Variants in MYH7 observed in about 807,000 individuals in gnomAD.
The protein encoded by MYH7 is myosin-7.
In MYH7, 129 loss-of-function variants were observed where a neutral mutation model predicts 225.4. The observed-to-expected ratio is 0.57, with a 90% CI of 0.50 to 0.66. The LOEUF is 0.66. Among genes scored for constraint, MYH7 ranks in the 30% least tolerant of loss-of-function variants. The pLI is 0.00. For synonymous variants in MYH7, 971 were observed against 1,007.6 expected, an observed-to-expected ratio of 0.96 and a Z score of 0.69; for missense variants, 1,649 against 2,517.0, an observed-to-expected ratio of 0.66 and a Z score of 7.38.
chr14:23,417,552 G>A lies in MYH7; in HGVS notation c.4304C>T (p.Ser1435Phe). ...IEDLMVDVER[S>F]NAAAAALDKK... The stretch of plus-strand genomic sequence containing the variant: ...GTCCAGGGCTGCAGCAGCAGCATTG[G>A]AGCGCTCTACGTCCACCATCAAGTC... The change falls in exon 31 of 40, where the codon TCC becomes TTC. Residue 1435 changes from serine (S) to phenylalanine (F), a missense_variant. By Grantham distance (155) the Ser-to-Phe change is radical. Coordinates refer to ENST00000355349, the MANE Select transcript of MYH7 (RefSeq NM_000257.4). 6.2e-7 allele frequency: 1 copy of A among 1,612,366 alleles called. No homozygotes were observed. The highest frequency in any genetic ancestry group is 8.5e-7 in the Non-Finnish European group (1 of 1,180,036).
chr14:23,430,570 A>C lies in MYH7; in HGVS notation c.989T>G (p.Met330Arg), dbSNP rs1156297278. Residue 330 changes from methionine to arginine, a missense_variant, in exon 11 of 40, where the codon ATG (methionine) becomes AGG (arginine). This residue lies in a region of MYH7 where 131 missense variants were observed against 231.3 expected (regional missense o/e 0.57). Coordinates refer to ENST00000355349, the MANE Select transcript of MYH7 (RefSeq NM_000257.4). Reference sequence around the variant, plus strand: ...TCCTCACACACTCACATCAGTGGCCATGAGCTCCTCAGCGTCATCAATGGA... The same window carrying C: ...TCCTCACACACTCACATCAGTGGCCCTGAGCTCCTCAGCGTCATCAATGGA... The part of the protein sequence containing the change: ...VASIDDAEEL[M>R]ATDNAFDVLG... 2 of 1,613,384 alleles carry C rather than the reference A, an allele frequency of 1.2e-6. No homozygotes were observed. Among genetic ancestry groups the C allele is most frequent in the Non-Finnish European group, 1.7e-6 (2 of 1,179,446 alleles).
chr14:23,414,325 T>G (rs1235217158), intron 37 of MYH7, among the ~76,000 whole-genome samples: 2 of 152,206 alleles, frequency 1.3e-5, no homozygotes, highest in African/African-American at 2.4e-5. Flanking sequence ...CCTGAAATTA[T>G]GCACAAAATT....
chr14:23,431,325 A>AGAGG, intron 9 of MYH7, 93 bp downstream of exon 9: 1 of 1,276,994 alleles, frequency 7.8e-7, no homozygotes, highest in Non-Finnish European at 1.1e-6. Flanking sequence ...GGAGAAAAAC[A>AGAGG]GAGGGAGGGA....
At position 23,430,591 on chromosome 14, in the gene MYH7, A is replaced by G. The variant is rs397516275; in HGVS notation, c.968T>C (p.Ile323Thr). Residue 323 changes from isoleucine (I) to threonine (T), a missense_variant, in exon 11 of 40, where the codon ATT becomes ACT. Ile to Thr is a moderately conservative substitution (Grantham distance 89, BLOSUM62 -1). Transcript: ENST00000355349. ...ISQGETTVAS[I>T]DDAEELMATD... ...GGCCATGAGCTCCTCAGCGTCATCAATGGAGGCCACGGTGGTCTCTCCTTG... is the reference window on the plus strand; with the variant it reads ...GGCCATGAGCTCCTCAGCGTCATCAGTGGAGGCCACGGTGGTCTCTCCTTG... The G allele has an allele frequency of 2.9e-5, 47 of 1,613,974 alleles. No homozygotes were observed. The highest frequency in any genetic ancestry group is 2.7e-4 in the Admixed American group (16 of 60,002).
chr14:23,423,658 C>A lies in MYH7; in HGVS notation c.2988G>T (p.Lys996Asn). The A allele has an allele frequency of 6.2e-7, 1 of 1,614,124 alleles. No homozygotes were observed. The highest frequency in any genetic ancestry group is 8.5e-7 in the Non-Finnish European group (1 of 1,180,020). Residue 996 changes from lysine (K) to asparagine (N), a missense_variant, in exon 24 of 40, where the codon AAG becomes AAT. By Grantham distance (94) the Lys-to-Asn change is moderately conservative (BLOSUM62 0). Around this residue, in one of 12 missense-constraint regions of MYH7, gnomAD observed 282 missense variants for 315.3 expected, o/e 0.89. Transcript: ENST00000355349. ...GTTGGTGGGCCTCTTGCAGAGCTTTCTTCTCCTTGGTCAGCTTGGCAATGA... is the reference window on the plus strand; with the variant it reads ...GTTGGTGGGCCTCTTGCAGAGCTTTATTCTCCTTGGTCAGCTTGGCAATGA... ...DEIIAKLTKE[K>N]KALQEAHQQA...
chr14:23,433,275 C>G lies in MYH7; in HGVS notation c.202-48G>C, dbSNP rs765102182. Reference sequence around the variant, plus strand: ...CCTCCTGTCAGCCTGGGCTTTCCCTCCTTCCTCAAGAGGGTTAGGAGTTGG... The same window carrying G: ...CCTCCTGTCAGCCTGGGCTTTCCCTGCTTCCTCAAGAGGGTTAGGAGTTGG... On this transcript the variant is annotated intron_variant, in intron 3 of 39. Transcript: ENST00000355349. The surrounding 1 kb of genome is among the most constrained non-coding windows in gnomAD (Gnocchi z 4.1). 6.2e-7 allele frequency: 1 copy of G among 1,613,578 alleles called. No individual in the cohort carries two copies. The highest frequency in any genetic ancestry group is 1.1e-5 in the South Asian group (1 of 90,990).
intron 29 of MYH7, 99 bp from the exon 30 acceptor site, chr14:23,418,505 G>C (rs1008890704): frequency 1.4e-6 from 2 of 1,385,472 alleles, no homozygotes; most frequent in Admixed American, 5.0e-5. Flanking sequence ...TCATCCCTTG[G>C]CCTCATCTAT....
At chr14:23,419,671 G>C (rs923397826) in intron 27 of MYH7, 62 bp from the exon 28 acceptor site, 1 of 1,613,388 alleles carries the variant, frequency 6.2e-7, no homozygotes, top group Non-Finnish European at 8.5e-7. Flanking sequence ...AGGGGTGTAA[G>C]AGGTGCAACT....
In MYH7 at chr14:23,418,468, G is replaced by A; in HGVS notation, c.3973-62C>T. On this transcript the variant is annotated intron_variant, in intron 29 of 39. Coordinates refer to ENST00000355349, the MANE Select transcript of MYH7 (RefSeq NM_000257.4). ...TTCTCCATAAAGCAACCCCACCCTTGCCCTTCTCCTCACCCCAATCTCAAC... is the reference window on the plus strand; with the variant it reads ...TTCTCCATAAAGCAACCCCACCCTTACCCTTCTCCTCACCCCAATCTCAAC... 4 of 1,518,182 alleles carry A rather than the reference G, an allele frequency of 2.6e-6. No individual in the cohort carries two copies. In the South Asian group the frequency reaches 5.1e-5, roughly 19 times the overall value. The allele number at this position is 1,518,182 out of a possible 1,614,324, so 94.0% of individuals were successfully genotyped here.
chr14:23,432,213 G>A (rs1892974302), intron 6 of MYH7, among the ~76,000 whole-genome samples: 1 of 152,202 alleles, frequency 6.6e-6, no homozygotes, highest in Non-Finnish European at 1.5e-5. Flanking sequence ...TGAAGACATG[G>A]CGATAATGAG....
rs144066768 is a variant in MYH7, at chr14:23,415,461, A to T, written c.5203T>A (p.Ser1735Thr). The change falls in exon 36 of 40, where the codon TCC becomes ACC. Residue 1735 changes from serine (S) to threonine (T), a missense_variant. By Grantham distance (58) the Ser-to-Thr change is moderately conservative (BLOSUM62 1). Coordinates refer to ENST00000355349, the MANE Select transcript of MYH7 (RefSeq NM_000257.4). This position sits in a 1 kb window ranked among gnomAD's most constrained non-coding sequence, Gnocchi z 6.3. The stretch of plus-strand genomic sequence containing the variant: ...TCCTCCACTTCAGTCTGGAGCTGGG[A>T]CAGGTCAGCATCCATCTTCTTCTTC... ...NQKKKMDADL[S>T]QLQTEVEEAV... is the part of the protein sequence containing the mutation. 28 of 1,614,004 alleles carry T rather than the reference A, an allele frequency of 1.7e-5. No individual in the cohort carries two copies. Among genetic ancestry groups the T allele is most frequent in the Non-Finnish European group, 2.3e-5 (27 of 1,180,032 alleles).
At chr14:23,427,164 C>T (rs1892724229) in intron 17 of MYH7, 76 bp downstream of exon 17, 1 of 1,325,760 alleles carries the variant, frequency 7.5e-7, no homozygotes, top group Admixed American at 2.1e-5. Flanking sequence ...AGGGGATGAA[C>T]AAGGCAGGGA....
chr14:23,424,824 T>C lies in MYH7; in HGVS notation c.2624A>G (p.Glu875Gly). ...KSEARRKELE[E>G]KMVSLLQEKN... ...CTCCTGCAGCAGGGACACCATCTTC[T>C]CCTCCAGCTCCTTGCGGCGAGCCTC... Residue 875 changes from glutamate (E) to glycine (G), a missense_variant, in exon 22 of 40, where the codon GAG (glutamate) becomes GGG (glycine). This residue lies in a region of MYH7 where 282 missense variants were observed against 315.3 expected (regional missense o/e 0.89). Coordinates refer to ENST00000355349, the MANE Select transcript of MYH7 (RefSeq NM_000257.4). 6.2e-7 allele frequency: 1 copy of C among 1,614,182 alleles called. No homozygotes were observed. The highest frequency in any genetic ancestry group is 8.5e-7 in the Non-Finnish European group (1 of 1,180,030).
chr14:23,431,811 C>T lies in MYH7; in HGVS notation c.589G>A (p.Val197Ile), dbSNP rs748234907. The change falls in exon 7 of 40, where the codon GTT (valine) becomes ATT (isoleucine). Residue 197 changes from valine to isoleucine, a missense_variant. Coordinates refer to ENST00000355349, the MANE Select transcript of MYH7 (RefSeq NM_000257.4). Reference sequence around the variant, plus strand: ...CTGCGGTCCCCAATGGCTGCAATAACAGCAAAGTACTGGATGACCCTCTTG... The same window carrying T: ...CTGCGGTCCCCAATGGCTGCAATAATAGCAAAGTACTGGATGACCCTCTTG... Reference protein sequence around the residue: ...NTKRVIQYFAVIAAIGDRSKK... With the variant: ...NTKRVIQYFAIIAAIGDRSKK... The T allele has an allele frequency of 4.3e-6, 7 of 1,614,266 alleles. No homozygotes were observed. Among genetic ancestry groups the T allele is most frequent in the Non-Finnish European group, 5.9e-6 (7 of 1,180,052 alleles).
Position 23,419,194 on chromosome 14 carries a change from G to C in MYH7, c.3955C>G (p.Leu1319Val). ...TQQLEDLKRQ[L>V]EEEVKAKNAL... is the part of the protein sequence containing the mutation. ...GCCCTTACCTTAACCTCCTCCTCCA[G>C]CTGCCTCTTGAGGTCCTCCAGCTGC... The change falls in exon 29 of 40, where the codon CTG becomes GTG. Residue 1319 changes from leucine to valine, a missense_variant. By Grantham distance (32) the Leu-to-Val change is conservative (BLOSUM62 1). Around this residue, in one of 12 missense-constraint regions of MYH7, gnomAD observed 687 missense variants for 913.8 expected, o/e 0.75. Coordinates refer to ENST00000355349, the MANE Select transcript of MYH7 (RefSeq NM_000257.4). 2 of 1,614,232 alleles carry C rather than the reference G, an allele frequency of 1.2e-6. No homozygotes were observed. Among genetic ancestry groups the C allele is most frequent in the Non-Finnish European group, 1.7e-6 (2 of 1,180,054 alleles).
chr14:23,433,039 G>A lies in MYH7; in HGVS notation c.345+45C>T. 1 of 1,613,686 alleles carries A rather than the reference G, an allele frequency of 6.2e-7. No homozygotes were observed. The highest frequency in any genetic ancestry group is 8.5e-7 in the Non-Finnish European group (1 of 1,179,764). On this transcript the variant is annotated intron_variant, in intron 4 of 39. Transcript: ENST00000355349. The surrounding 1 kb of genome is among the most constrained non-coding windows in gnomAD (Gnocchi z 4.1). ...TTGGCTCCTGGGGTGGACATGGATG[G>A]AGCAAGAACAGAGATCCCAACGTAG...
At chr14:23,432,974 T>C in intron 4 of MYH7, 110 bp downstream of exon 4, 2 of 1,550,694 alleles carry the variant, frequency 1.3e-6, no homozygotes, top group Non-Finnish European at 8.8e-7. Context: ...TGGGACGAGG[T>C]TAGAGTGTAA....
At chr14:23,417,119 A>G (rs1218369651) in intron 32 of MYH7, 34 bp downstream of exon 32, 2 of 1,614,106 alleles carry the variant, frequency 1.2e-6, no homozygotes, top group East Asian at 4.5e-5. Flanking sequence ...CTGCCAGTGC[A>G]GCCCCTCCCC....
chr14:23,420,105 C>A lies in MYH7; in HGVS notation c.3466G>T (p.Ala1156Ser), dbSNP rs1226515434. The A allele has an allele frequency of 3.1e-6, 5 of 1,603,182 alleles. No individual in the cohort carries two copies. Among genetic ancestry groups the A allele is most frequent in the Non-Finnish European group, 4.2e-6 (5 of 1,176,748 alleles). The stretch of plus-strand genomic sequence containing the variant: ...TTCATCTCGATCTGCACGGACGTGG[C>A]CCCGCCGGCCTCTTCCAGCCGCTCG... ...ISERLEEAGG[A>S]TSVQIEMNKK... The change falls in exon 27 of 40, where the codon GCC becomes TCC. Residue 1156 changes from alanine (A) to serine (S), a missense_variant. Ala to Ser is a moderately conservative substitution (Grantham distance 99, BLOSUM62 1). Coordinates refer to ENST00000355349, the MANE Select transcript of MYH7 (RefSeq NM_000257.4).
Sources: allele counts gnomAD v4.1 joint callset (sites outside exome capture counted in the v4.1 genomes callset), GRCh38; gene constraint gnomAD v4.1.1; regional missense constraint gnomAD v4.1.1; non-coding constraint Gnocchi (gnomAD v3.1); transcripts MANE v1.5; gene names NCBI Gene and HGNC (gene_info 2026-07-23, HGNC 2026-07-21).